EBF2: variants seen among roughly 807,000 people sequenced by gnomAD.
EBF2 encodes EBF transcription factor 2.
In EBF2, 21 loss-of-function variants were observed where a neutral mutation model predicts 72.8. The ratio of observed to expected loss-of-function variants is 0.29; its 90% CI spans 0.20 to 0.42. The LOEUF is 0.42. Among genes scored for constraint, EBF2 ranks in the 10% least tolerant of loss-of-function variants. EBF2 has a pLI of 1.00. For synonymous variants in EBF2, 299 were observed against 274.2 expected, an observed-to-expected ratio of 1.09 and a Z score of -0.89; for missense variants, 637 against 731.2, an observed-to-expected ratio of 0.87 and a Z score of 1.49.
At chr8:25,890,718 G>A (rs1013073398) in intron 7 of EBF2, among the ~76,000 whole-genome samples, 2 of 152,150 alleles carry the variant, frequency 1.3e-5, no homozygotes, top group African/African-American at 4.8e-5. Context: ...AAACCTTTCT[G>A]AGCACTGACA....
intron 10 of EBF2, among the ~76,000 whole-genome samples, chr8:25,876,105 A>G (rs1182053989): frequency 6.6e-6 from 1 of 152,224 alleles, no homozygotes; most frequent in East Asian, 1.9e-4. Context: ...AGCATGTCAT[A>G]TTTGCAGGGA....
rs1285206150 is a variant in EBF2, at chr8:26,044,690, G to T, written c.131+39C>A. The T allele has an allele frequency of 5.6e-6, 9 of 1,607,384 alleles. No homozygotes were observed. The highest frequency in any genetic ancestry group is 1.7e-5 in the Admixed American group (1 of 59,784). On this transcript the variant is annotated intron_variant, in intron 1 of 15. Transcript: ENST00000520164. The surrounding 1 kb of genome is among the most constrained non-coding windows in gnomAD (Gnocchi z 4.1). ...GCACACGGAGAGACAGACCGTAAGA[G>T]CGAGAGACAGCATAATAATTGCGCG... is the stretch of plus-strand genomic sequence containing the variant.
At chr8:25,860,014 G>C (rs1172347912) in intron 13 of EBF2, among the ~76,000 whole-genome samples, 1 of 151,438 alleles carries the variant, frequency 6.6e-6, no homozygotes, top group Non-Finnish European at 1.5e-5. Context: ...ACCACACCCG[G>C]CTCACCTACT....
chr8:25,928,869 G>T (rs780591888), intron 6 of EBF2, among the ~76,000 whole-genome samples: 32 of 151,372 alleles, frequency 2.1e-4, no homozygotes, highest in Non-Finnish European at 4.1e-4. Flanking sequence ...ACCAGGCTTG[G>T]CCAAACTACA....
intron 15 of EBF2, 54 bp from the exon 16 acceptor site, chr8:25,844,694 G>A: frequency 1.2e-6 from 2 of 1,605,486 alleles, no homozygotes; most frequent in Non-Finnish European, 1.7e-6. Context: ...TATGTTCAAG[G>A]CTATGACACA....
chr8:25,912,071 G>A (rs1012887227), intron 6 of EBF2, among the ~76,000 whole-genome samples: 13 of 152,174 alleles, frequency 8.5e-5, no homozygotes, highest in African/African-American at 3.1e-4. Flanking sequence ...CAGCTGAAGG[G>A]TACAGGGGTC....
At chr8:25,863,008 GATTATA>G (rs66522161) in intron 10 of EBF2, among the ~76,000 whole-genome samples, 42,268 of 151,502 alleles carry the variant, frequency 0.28, 6,084 homozygotes, top group South Asian at 0.39. Context: ...CAAAATTTCA[GATTATA>G]ATTATCATTT....
intron 6 of EBF2, among the ~76,000 whole-genome samples, chr8:26,009,547 C>T (rs1314501766): frequency 2.0e-5 from 3 of 152,168 alleles, no homozygotes; most frequent in African/African-American, 7.2e-5. Flanking sequence ...CGCTGCAAAA[C>T]GTGGGCAACT....
At chr8:25,925,699 A>G (rs1213965923) in intron 6 of EBF2, among the ~76,000 whole-genome samples, 1 of 152,122 alleles carries the variant, frequency 6.6e-6, no homozygotes, top group East Asian at 1.9e-4. Flanking sequence ...GCCTCTGGAC[A>G]GTCTTCTTCG....
chr8:26,021,105 C>CTTTAGTGGCTT (rs1805197211), intron 6 of EBF2, among the ~76,000 whole-genome samples: 1 of 152,110 alleles, frequency 6.6e-6, no homozygotes, highest in African/African-American at 2.4e-5. Flanking sequence ...AGGGGCTGGA[C>CTTTAGTGGCTT]AGTGGACACT....
intron 6 of EBF2, among the ~76,000 whole-genome samples, chr8:25,964,105 C>T (rs759792180): frequency 6.6e-6 from 1 of 152,096 alleles, no homozygotes. Flanking sequence ...AGGCATACCC[C>T]GCACCTAAAG....
intron 5 of EBF2, among the ~76,000 whole-genome samples, chr8:26,038,410 A>C (rs1563216229): frequency 6.6e-6 from 1 of 152,152 alleles, no homozygotes; most frequent in Admixed American, 6.5e-5. Flanking sequence ...AATGAGGAGG[A>C]TTTGATTGGG....
intron 6 of EBF2, among the ~76,000 whole-genome samples, chr8:25,949,952 A>T (rs1803830716): frequency 6.6e-6 from 1 of 152,220 alleles, no homozygotes; most frequent in African/African-American, 2.4e-5. Context: ...TAGCAATATT[A>T]ACCTCATCAC....
chr8:25,877,419 G>T (rs976562215), intron 10 of EBF2, among the ~76,000 whole-genome samples: 3 of 152,160 alleles, frequency 2.0e-5, no homozygotes, highest in African/African-American at 7.2e-5. Context: ...TTCTCACGTG[G>T]CTCTCTCAAT....
At chr8:25,977,264 C>T (rs1315448773) in intron 6 of EBF2, among the ~76,000 whole-genome samples, 1 of 152,118 alleles carries the variant, frequency 6.6e-6, no homozygotes, top group East Asian at 1.9e-4. Flanking sequence ...TCGCATGCTC[C>T]CAGCGGGTCA....
intron 6 of EBF2, among the ~76,000 whole-genome samples, chr8:26,006,271 C>G (rs1804880458): frequency 6.6e-6 from 1 of 152,196 alleles, no homozygotes; most frequent in African/African-American, 2.4e-5. Flanking sequence ...CCTGCATGCA[C>G]ATATGTAGGC....
At chr8:25,863,741 A>G (rs1272652603) in intron 10 of EBF2, among the ~76,000 whole-genome samples, 1 of 152,096 alleles carries the variant, frequency 6.6e-6, no homozygotes, top group Non-Finnish European at 1.5e-5. Flanking sequence ...TGCCTCTTGT[A>G]AAAAACTATT....
intron 10 of EBF2, among the ~76,000 whole-genome samples, chr8:25,884,706 C>T (rs1802661856): frequency 1.3e-5 from 2 of 152,118 alleles, no homozygotes; most frequent in Admixed American, 6.5e-5. Flanking sequence ...GAACTATATC[C>T]CTTTGGAGCT....
rs773555954 is a variant in EBF2, at chr8:25,852,860, G to GTAAGAGACAGGAAGTTTT, written c.1529-2117_1529-2100dup. On this transcript the variant is annotated intron_variant, in intron 14 of 15. Transcript: ENST00000520164. ...TTTATCTGTTTCATAAAACAACACCGTAAGAGACAGGAAGTTTTGTTTAAA... is the reference window on the plus strand; with the variant it reads ...TTTATCTGTTTCATAAAACAACACCGTAAGAGACAGGAAGTTTTTAAGAGACAGGAAGTTTTGTTTAAA... 5.5e-3 allele frequency among the ~76,000 whole-genome samples: 843 copies of GTAAGAGACAGGAAGTTTT among 152,246 alleles called. 4 individuals are homozygous for GTAAGAGACAGGAAGTTTT. Among genetic ancestry groups the GTAAGAGACAGGAAGTTTT allele is most frequent in the Non-Finnish European group, 8.5e-3 (579 of 68,014 alleles).
Sources: allele counts gnomAD v4.1 joint callset (sites outside exome capture counted in the v4.1 genomes callset), GRCh38; gene constraint gnomAD v4.1.1; non-coding constraint Gnocchi (gnomAD v3.1); transcripts MANE v1.5; gene names NCBI Gene and HGNC (gene_info 2026-07-23, HGNC 2026-07-21).